GPC5: variants seen among roughly 807,000 people sequenced by gnomAD.
GPC5 encodes the protein glypican-5.
A neutral mutation model predicts 53.9 loss-of-function variants in GPC5; 47 were observed. The observed-to-expected ratio is 0.87, with a 90% CI of 0.69 to 1.11. GPC5 has a LOEUF of 1.11. Among genes scored for constraint, GPC5 ranks in the 50% most tolerant of loss-of-function variants. GPC5 has a pLI of 0.00. For synonymous variants in GPC5, 286 were observed against 263.3 expected, an observed-to-expected ratio of 1.09 and a Z score of -0.84; for missense variants, 748 against 713.1, an observed-to-expected ratio of 1.05 and a Z score of -0.56.
rs565967851 is a variant in GPC5 at position 92,398,936 on chromosome 13, T to G, written c.1561+253947T>G. On this transcript the variant is annotated intron_variant, in intron 7 of 7. Transcript: ENST00000377067. ...CTTTCCATCCTAACCTAGATCCTCC[T>G]TGTCAGCCTCCTACACTCCCAGTAG... Among the ~76,000 whole-genome samples, 3 of 152,254 alleles carry G rather than the reference T, an allele frequency of 2.0e-5. No homozygotes were observed. In the South Asian group the frequency reaches 6.2e-4, roughly 32 times the overall value.
intron 7 of GPC5, among the ~76,000 whole-genome samples, chr13:92,572,476 G>A (rs540524358): frequency 6.6e-6 from 1 of 152,232 alleles, no homozygotes; most frequent in African/African-American, 2.4e-5. Context: ...TACCGCTGTG[G>A]TGACCCTGGC....
intron 5 of GPC5, among the ~76,000 whole-genome samples, chr13:91,828,007 G>T (rs1566289172): frequency 6.6e-6 from 1 of 151,922 alleles, no homozygotes; most frequent in Non-Finnish European, 1.5e-5. Context: ...ATAATAAAAA[G>T]GAACAAACTA....
chr13:92,745,933 G>C (rs1889231403), intron 7 of GPC5, among the ~76,000 whole-genome samples: 1 of 151,936 alleles, frequency 6.6e-6, no homozygotes, highest in Admixed American at 6.6e-5. Flanking sequence ...TTATGGAATT[G>C]TATTATCGAT....
chr13:92,701,137 C>CTAAT (rs1555304250), intron 7 of GPC5, among the ~76,000 whole-genome samples: 2 of 151,966 alleles, frequency 1.3e-5, no homozygotes, highest in South Asian at 4.1e-4. Flanking sequence ...AAACATGTGT[C>CTAAT]TAATTTATTT....
chr13:91,641,097 G>A (rs1383637656), intron 2 of GPC5, among the ~76,000 whole-genome samples: 1 of 152,170 alleles, frequency 6.6e-6, no homozygotes, highest in Non-Finnish European at 1.5e-5. Flanking sequence ...GGAGGCCGAG[G>A]TGGACAGATC....
chr13:92,464,252 C>T (rs912242404), intron 7 of GPC5, among the ~76,000 whole-genome samples: 2 of 152,106 alleles, frequency 1.3e-5, no homozygotes, highest in African/African-American at 4.8e-5. Context: ...AAGACCCACT[C>T]CACCATACAT....
intron 7 of GPC5, among the ~76,000 whole-genome samples, chr13:92,692,199 A>G (rs1887420816): frequency 6.6e-6 from 1 of 152,036 alleles, no homozygotes; most frequent in South Asian, 2.1e-4. Context: ...GCTGCAAAGA[A>G]CATGACTTCA....
intron 2 of GPC5, among the ~76,000 whole-genome samples, chr13:91,668,284 T>A (rs1365796204): frequency 6.6e-6 from 1 of 152,196 alleles, no homozygotes; most frequent in Non-Finnish European, 1.5e-5. Context: ...TTCAAATCCT[T>A]GCCTCTGGGA....
chr13:91,600,352 T>A (rs1031617363), intron 2 of GPC5, among the ~76,000 whole-genome samples: 6 of 146,402 alleles, frequency 4.1e-5, no homozygotes, highest in African/African-American at 1.5e-4. Context: ...AGAGAGAGTG[T>A]GTGTGTGTGT....
rs374344837 is a variant in GPC5, at chr13:91,743,337, A to G, written c.1155-12958A>G. 3.7e-4 allele frequency among the ~76,000 whole-genome samples: 57 copies of G among 152,288 alleles called. No homozygotes were observed. In the South Asian group the frequency reaches 5.6e-3, roughly 15 times the overall value. ...TTATAGGAGTGTATAAAATTATTTC[A>G]GAATTTTTGGCAGAATCTGTGGGGG... On this transcript the variant is annotated intron_variant, in intron 4 of 7. Transcript: ENST00000377067.
At chr13:92,836,326 C>G (rs1426022546) in intron 7 of GPC5, among the ~76,000 whole-genome samples, 1 of 151,748 alleles carries the variant, frequency 6.6e-6, no homozygotes, top group Non-Finnish European at 1.5e-5. Flanking sequence ...GAATTTGTTT[C>G]TAAATATTAT....
intron 7 of GPC5, among the ~76,000 whole-genome samples, chr13:92,569,483 T>C (rs1882958489): frequency 1.3e-5 from 2 of 152,108 alleles, no homozygotes; most frequent in Non-Finnish European, 2.9e-5. Flanking sequence ...AAAATGGTTC[T>C]TGAAATAGGA....
chr13:91,541,679 A>G (rs2029937881), intron 2 of GPC5, among the ~76,000 whole-genome samples: 2 of 152,124 alleles, frequency 1.3e-5, no homozygotes, highest in South Asian at 4.1e-4. Flanking sequence ...TGTTAAATTC[A>G]TGTACTGGTC....
chr13:92,488,650 C>T (rs976073231), intron 7 of GPC5, among the ~76,000 whole-genome samples: 3 of 152,156 alleles, frequency 2.0e-5, no homozygotes, highest in Non-Finnish European at 2.9e-5. Flanking sequence ...CAAAGCCAGA[C>T]AGGAAATGCA....
At chr13:92,166,921 GTCTC>G (rs35310453) in intron 7 of GPC5, among the ~76,000 whole-genome samples, 2,149 of 128,294 alleles carry the variant, frequency 0.017, 25 homozygotes, top group East Asian at 0.02. Flanking sequence ...ATAAGTCTCA[GTCTC>G]TCTCTCTCTC....
At chr13:92,341,220 AAAGG>A (rs2043363790) in intron 7 of GPC5, among the ~76,000 whole-genome samples, 1 of 152,156 alleles carries the variant, frequency 6.6e-6, no homozygotes, top group Non-Finnish European at 1.5e-5. Context: ...TTCCTAATAA[AAAGG>A]ACTTCTAGAG....
intron 7 of GPC5, among the ~76,000 whole-genome samples, chr13:92,475,183 G>A (rs1390960641): frequency 5.3e-5 from 8 of 151,512 alleles, no homozygotes; most frequent in Non-Finnish European, 8.8e-5. Context: ...TTGGCGATGC[G>A]GGCTCTTTTT....
chr13:91,572,211 G>A (rs1325952998), intron 2 of GPC5, among the ~76,000 whole-genome samples: 3 of 114,706 alleles, frequency 2.6e-5, no homozygotes, highest in East Asian at 2.2e-4. Context: ...GTATATATAC[G>A]TGTATATATA....
intron 7 of GPC5, among the ~76,000 whole-genome samples, chr13:92,428,196 T>C (rs894705955): frequency 6.6e-6 from 1 of 152,130 alleles, no homozygotes; most frequent in East Asian, 1.9e-4. Context: ...ATGGTCTCTA[T>C]CAGAATGGAT....
Sources: gnomAD v4.1 joint callset for allele counts (sites outside exome capture counted in the v4.1 genomes callset) on GRCh38, gnomAD v4.1.1 for gene constraint, MANE v1.5 for transcripts, NCBI Gene and HGNC (gene_info 2026-07-23, HGNC 2026-07-21) for gene names.